The following THSD7A variants were observed in gnomAD, a reference collection of about 807,000 sequenced individuals.
The protein encoded by THSD7A is thrombospondin type-1 domain-containing protein 7A.
A neutral mutation model predicts 231.3 loss-of-function variants in THSD7A; 96 were observed. That is an observed-to-expected ratio of 0.41 (90% confidence interval 0.35 to 0.49). The LOEUF is 0.49. THSD7A is among the 20% of genes least tolerant of loss of function. The pLI is 0.05. For synonymous variants in THSD7A, 940 were observed against 743.3 expected (o/e 1.26, Z -4.30); for missense variants, 2,290 against 2,070.2 (o/e 1.11, Z -2.06).
At chr7:11,388,668 G>C (rs1336367190) in intron 23 of THSD7A, among the ~76,000 whole-genome samples, 2 of 152,044 alleles carry the variant, frequency 1.3e-5, no homozygotes, top group Admixed American at 1.3e-4. Flanking sequence ...TTTTTTAGAA[G>C]AGTTTTTTGT....
intron 6 of THSD7A, among the ~76,000 whole-genome samples, chr7:11,492,987 T>C (rs970822685): frequency 1.3e-5 from 2 of 152,076 alleles, no homozygotes; most frequent in Non-Finnish European, 2.9e-5. Context: ...TATAAGTTGG[T>C]CAGAAGTGGT....
intron 6 of THSD7A, among the ~76,000 whole-genome samples, chr7:11,502,801 G>A (rs252999): frequency 1 from 151,714 of 152,296 alleles, 75,567 homozygotes; most frequent in Middle Eastern, 1. Flanking sequence ...ATGAAATCAG[G>A]GAAGACACAA....
intron 7 of THSD7A, among the ~76,000 whole-genome samples, chr7:11,475,843 C>T (rs528352200): frequency 6.6e-6 from 1 of 150,384 alleles, no homozygotes; most frequent in South Asian, 2.1e-4. Flanking sequence ...TGCATCTATT[C>T]TCTGCTTGTA....
intron 9 of THSD7A, among the ~76,000 whole-genome samples, chr7:11,468,115 A>C (rs958155494): frequency 2.0e-5 from 3 of 152,120 alleles, no homozygotes; most frequent in African/African-American, 7.2e-5. Context: ...TTTCACTTAA[A>C]ATTTGTTTTA....
intron 1 of THSD7A, among the ~76,000 whole-genome samples, chr7:11,673,360 A>G (rs1473982734): frequency 1.3e-5 from 2 of 152,168 alleles, no homozygotes; most frequent in Non-Finnish European, 2.9e-5. Flanking sequence ...CATGGACTCC[A>G]GAGACTTCCC....
At chr7:11,795,539 G>A (rs550693711) in intron 1 of THSD7A, among the ~76,000 whole-genome samples, 8 of 151,880 alleles carry the variant, frequency 5.3e-5, no homozygotes, top group South Asian at 2.1e-4. Flanking sequence ...TTTGTAGGTC[G>A]CATTCATTAT....
intron 6 of THSD7A, among the ~76,000 whole-genome samples, chr7:11,489,694 C>A (rs1166656992): frequency 1.3e-5 from 2 of 152,034 alleles, no homozygotes; most frequent in African/African-American, 4.8e-5. Flanking sequence ...ACCCCACCCC[C>A]TAACGTCCTC....
intron 1 of THSD7A, among the ~76,000 whole-genome samples, chr7:11,752,266 T>G (rs1782529114): frequency 6.6e-6 from 1 of 152,058 alleles, no homozygotes; most frequent in Non-Finnish European, 1.5e-5. Context: ...TTCAGTCTCA[T>G]GCACAAACAA....
At chr7:11,663,296 C>G (rs1584169816) in intron 1 of THSD7A, among the ~76,000 whole-genome samples, 1 of 151,340 alleles carries the variant, frequency 6.6e-6, no homozygotes, top group Non-Finnish European at 1.5e-5. Flanking sequence ...ACAAATATGA[C>G]TTATCAAAAA....
At chr7:11,745,018 A>G (rs983584749) in intron 1 of THSD7A, among the ~76,000 whole-genome samples, 1 of 151,982 alleles carries the variant, frequency 6.6e-6, no homozygotes, top group Non-Finnish European at 1.5e-5. Flanking sequence ...GAATCGCCAC[A>G]CTGACTTCCA....
At chr7:11,680,039 T>C (rs1584199959) in intron 1 of THSD7A, among the ~76,000 whole-genome samples, 1 of 148,520 alleles carries the variant, frequency 6.7e-6, no homozygotes, top group Admixed American at 6.7e-5. Context: ...AGAAATAACA[T>C]CACACATCTA....
chr7:11,407,218 G>A (rs1001758039), intron 20 of THSD7A, 88 bp downstream of exon 20: 75 of 1,430,492 alleles, frequency 5.2e-5, no homozygotes, highest in Non-Finnish European at 7.2e-5. Flanking sequence ...CCTTTCTGAA[G>A]ATTATTTGAT....
chr7:11,558,307 T>G (rs930483969), intron 4 of THSD7A, among the ~76,000 whole-genome samples: 1 of 152,192 alleles, frequency 6.6e-6, no homozygotes, highest in Non-Finnish European at 1.5e-5. Flanking sequence ...GTACATCTCC[T>G]TTATCTTTTT....
intron 6 of THSD7A, among the ~76,000 whole-genome samples, chr7:11,496,224 C>T (rs1276479047): frequency 3.3e-5 from 5 of 152,090 alleles, no homozygotes; most frequent in Non-Finnish European, 5.9e-5. Flanking sequence ...ATGAAGTAGA[C>T]ATGATTATTA....
At chr7:11,423,106 C>T (rs1424086300) in intron 16 of THSD7A, among the ~76,000 whole-genome samples, 1 of 152,066 alleles carries the variant, frequency 6.6e-6, no homozygotes. Flanking sequence ...TACCTCTTCC[C>T]CATTCCCAGT....
intron 19 of THSD7A, among the ~76,000 whole-genome samples, chr7:11,409,941 C>G (rs147659219): frequency 3.2e-4 from 49 of 152,214 alleles, no homozygotes; most frequent in African/African-American, 1.2e-3. Context: ...GGGGTTTCTC[C>G]ATGTTGGTCA....
At chr7:11,791,707 C>T (rs1783956776) in intron 1 of THSD7A, among the ~76,000 whole-genome samples, 1 of 151,752 alleles carries the variant, frequency 6.6e-6, no homozygotes, top group Non-Finnish European at 1.5e-5. Context: ...ATTTTGGTCC[C>T]AACGGCCATT....
intron 1 of THSD7A, among the ~76,000 whole-genome samples, chr7:11,744,179 A>G (rs1341800005): frequency 3.3e-5 from 5 of 151,898 alleles, no homozygotes; most frequent in African/African-American, 9.7e-5. Context: ...CTGTTCTGCT[A>G]ATGACAGTCT....
chr7:11,412,461 C>T (rs1209823211), intron 18 of THSD7A, among the ~76,000 whole-genome samples, 195 bp downstream of exon 18: 1 of 151,928 alleles, frequency 6.6e-6, no homozygotes, highest in Non-Finnish European at 1.5e-5. Flanking sequence ...ATTTTTATTT[C>T]CTCTATCTTA....
Sources: gnomAD v4.1 joint callset for allele counts (sites outside exome capture counted in the v4.1 genomes callset) on GRCh38, gnomAD v4.1.1 for gene constraint, MANE v1.5 for transcripts, NCBI Gene and HGNC (gene_info 2026-07-23, HGNC 2026-07-21) for gene names.